Variants in CAMKMT observed in about 807,000 individuals in gnomAD.
CAMKMT encodes the protein CaM KMT.
In CAMKMT, 53 loss-of-function variants were observed where a neutral mutation model predicts 48.0. The observed-to-expected ratio is 1.10, with a 90% confidence interval of 0.89 to 1.39. The LOEUF is 1.39. Ranked by LOEUF, CAMKMT falls within the 40% of genes most tolerant of loss-of-function variation. The pLI is 0.00. For synonymous variants in CAMKMT, 165 were observed against 152.3 expected, an observed-to-expected ratio of 1.08 and a Z score of -0.61; for missense variants, 428 against 402.7, an observed-to-expected ratio of 1.06 and a Z score of -0.54.
At chr2:44,561,704 A>T (rs572664722) in intron 3 of CAMKMT, among the ~76,000 whole-genome samples, 1 of 152,336 alleles carries the variant, frequency 6.6e-6, no homozygotes, top group South Asian at 2.1e-4. Context: ...ATAGACAACA[A>T]TATTATGGGG....
chr2:44,577,406 T>C (rs1558716274), intron 3 of CAMKMT, among the ~76,000 whole-genome samples: 2 of 152,040 alleles, frequency 1.3e-5, no homozygotes, highest in Non-Finnish European at 2.9e-5. Flanking sequence ...ATCGTTTAAG[T>C]TTAGGCATTA....
intron 3 of CAMKMT, among the ~76,000 whole-genome samples, chr2:44,534,386 C>A (rs1466099698): frequency 1.3e-5 from 2 of 152,112 alleles, no homozygotes; most frequent in African/African-American, 4.8e-5. Flanking sequence ...ACCAAATGGG[C>A]TTTATAGACA....
intron 3 of CAMKMT, among the ~76,000 whole-genome samples, chr2:44,512,963 CTATT>C (rs1469782612): frequency 1.2e-4 from 18 of 152,280 alleles, no homozygotes; most frequent in African/African-American, 4.3e-4. Context: ...AACAAAATAT[CTATT>C]TAATTACATT....
intron 6 of CAMKMT, among the ~76,000 whole-genome samples, chr2:44,710,593 A>G (rs970882395): frequency 6.6e-5 from 10 of 151,834 alleles, no homozygotes; most frequent in African/African-American, 2.4e-4. Context: ...ATTTATTCTA[A>G]AATAGTGTGA....
At chr2:44,611,939 C>T (rs1034565558) in intron 3 of CAMKMT, among the ~76,000 whole-genome samples, 1 of 152,050 alleles carries the variant, frequency 6.6e-6, no homozygotes, top group Non-Finnish European at 1.5e-5. Context: ...TGGTCCACGC[C>T]ATTTGTGAGG....
chr2:44,623,476 T>G (rs1672305056), intron 3 of CAMKMT, among the ~76,000 whole-genome samples: 1 of 152,192 alleles, frequency 6.6e-6, no homozygotes, highest in Admixed American at 6.5e-5. Flanking sequence ...GTTTAAGTCT[T>G]TAATCCATCT....
chr2:44,477,527 T>C (rs999980059), intron 3 of CAMKMT, among the ~76,000 whole-genome samples: 1 of 152,122 alleles, frequency 6.6e-6, no homozygotes, highest in African/African-American at 2.4e-5. Flanking sequence ...TAAAAATAAG[T>C]TGTGTAGGTA....
intron 3 of CAMKMT, among the ~76,000 whole-genome samples, chr2:44,403,500 C>T (rs1475609670): frequency 6.6e-6 from 1 of 152,154 alleles, no homozygotes; most frequent in Admixed American, 6.6e-5. Flanking sequence ...TTAGTCCATC[C>T]TTGTACTCTA....
chr2:44,373,426 A>G (rs1274372195), intron 2 of CAMKMT, among the ~76,000 whole-genome samples: 3 of 152,226 alleles, frequency 2.0e-5, no homozygotes, highest in Non-Finnish European at 2.9e-5. Flanking sequence ...AGAGAGTTAC[A>G]GACTGCAATA....
At chr2:44,418,060 C>A (rs1362565626) in intron 3 of CAMKMT, among the ~76,000 whole-genome samples, 1 of 151,990 alleles carries the variant, frequency 6.6e-6, no homozygotes, top group Non-Finnish European at 1.5e-5. Flanking sequence ...GGCATGGTGG[C>A]ACGTGCCTAT....
intron 6 of CAMKMT, among the ~76,000 whole-genome samples, chr2:44,714,379 C>G (rs1228746078): frequency 1.3e-5 from 2 of 152,056 alleles, no homozygotes; most frequent in Non-Finnish European, 2.9e-5. Context: ...TGAACCAGCT[C>G]CTGAAAACAT....
intron 3 of CAMKMT, among the ~76,000 whole-genome samples, chr2:44,575,914 C>G (rs965004185): frequency 2.0e-5 from 3 of 152,098 alleles, no homozygotes; most frequent in Non-Finnish European, 2.9e-5. Context: ...TCTAAGGTAG[C>G]CACTAGGCAG....
intron 3 of CAMKMT, among the ~76,000 whole-genome samples, chr2:44,700,530 T>C (rs1677199779): frequency 1.3e-5 from 2 of 152,100 alleles, no homozygotes; most frequent in South Asian, 4.1e-4. Context: ...TTAAGTTTAT[T>C]AATTAGCCTA....
At chr2:44,574,137 T>A (rs1669075061) in intron 3 of CAMKMT, among the ~76,000 whole-genome samples, 1 of 152,132 alleles carries the variant, frequency 6.6e-6, no homozygotes, top group Admixed American at 6.5e-5. Flanking sequence ...GTGGACATAA[T>A]TATCATGAAG....
At chr2:44,405,791 G>A (rs1270979833) in intron 3 of CAMKMT, among the ~76,000 whole-genome samples, 1 of 152,108 alleles carries the variant, frequency 6.6e-6, no homozygotes, top group Admixed American at 6.5e-5. Context: ...CCTTTGGAAA[G>A]AAACATAAAT....
intron 3 of CAMKMT, among the ~76,000 whole-genome samples, chr2:44,588,247 A>G (rs1408372322): frequency 8.3e-5 from 3 of 36,166 alleles, no homozygotes; most frequent in Non-Finnish European, 1.2e-4. Context: ...TCCGGCAGCC[A>G]CCCCGTCTGG....
At chr2:44,749,317 C>A (rs1051972743) in intron 8 of CAMKMT, among the ~76,000 whole-genome samples, 7 of 152,012 alleles carry the variant, frequency 4.6e-5, no homozygotes, top group African/African-American at 1.7e-4. Flanking sequence ...AAAGTTGGTT[C>A]ATCCTTGACA....
At chr2:44,364,424 A>G (rs1342724738) in intron 1 of CAMKMT, among the ~76,000 whole-genome samples, 1 of 152,098 alleles carries the variant, frequency 6.6e-6, no homozygotes, top group Non-Finnish European at 1.5e-5. Flanking sequence ...AGCCAACTCT[A>G]CCAATGAGCC....
intron 3 of CAMKMT, among the ~76,000 whole-genome samples, chr2:44,646,092 G>C (rs1673714583): frequency 6.6e-6 from 1 of 152,120 alleles, no homozygotes; most frequent in Non-Finnish European, 1.5e-5. Context: ...ACTGATTGTA[G>C]AACAGTCAGA....
Sources: gnomAD v4.1 joint callset for allele counts (sites outside exome capture counted in the v4.1 genomes callset) on GRCh38, gnomAD v4.1.1 for gene constraint, MANE v1.5 for transcripts, NCBI Gene and HGNC (gene_info 2026-07-23, HGNC 2026-07-21) for gene names.